Variants in MTOR observed in about 807,000 individuals in gnomAD.
MTOR encodes the protein mechanistic target of rapamycin kinase, also known as serine/threonine-protein kinase mTOR.
In MTOR, 70 loss-of-function variants were observed where a neutral mutation model predicts 319.8. The ratio of observed to expected loss-of-function variants is 0.22; its 90% confidence interval spans 0.18 to 0.27. The LOEUF (loss-of-function observed/expected upper bound fraction) is 0.27. Ranked by LOEUF, MTOR falls within the 10% of genes least tolerant of loss-of-function variation. The probability of loss-of-function intolerance (pLI) is 1.00; values close to 1 mark genes in which losing one functional copy is unlikely to be tolerated. For missense variants in MTOR, 1,890 were observed against 3,274.4 expected, an observed-to-expected ratio of 0.58 and a Z score of 10.32; for synonymous variants, 1,183 against 1,211.4, an observed-to-expected ratio of 0.98 and a Z score of 0.49.
Position 11,127,520 on chromosome 1 carries a change from T to C in MTOR, c.6216+104A>G. On this transcript the variant is annotated intron_variant, in intron 44 of 57. Transcript: ENST00000361445. The surrounding 1 kb of genome is among the most constrained non-coding windows in gnomAD (Gnocchi z 5.5). Reference sequence around the variant, plus strand: ...AGGAAAAGAAATCTGACAAAGGCCTTGGGTCACGTCCTTTCATTCTATAAA... The same window carrying C: ...AGGAAAAGAAATCTGACAAAGGCCTCGGGTCACGTCCTTTCATTCTATAAA... 7.3e-7 allele frequency: 1 copy of C among 1,363,632 alleles called. No individual in the cohort carries two copies. The highest frequency in any genetic ancestry group is 2.4e-5 in the East Asian group (1 of 42,230). The allele number at this position is 1,363,632 out of a possible 1,614,324, so 84.5% of individuals were successfully genotyped here.
rs1463554314 is a variant in MTOR at position 11,106,845 on chromosome 1, G to A, written c.*640C>T. On this transcript the variant is annotated 3_prime_UTR_variant, in exon 58 of 58. Transcript: ENST00000361445. The stretch of plus-strand genomic sequence containing the variant: ...CATCTGCTCAGCCGAGGCTGCCAGC[G>A]ATCTGAATAAACCTCCCTACTAGCG... 9.9e-6 allele frequency: 13 copies of A among 1,313,764 alleles called. No homozygotes were observed. In the East Asian group the frequency reaches 1.0e-4, roughly 10 times the overall value. The allele number at this position is 1,313,764 out of a possible 1,614,324, so 81.4% of individuals were successfully genotyped here.
chr1:11,115,494 G>T lies in MTOR; in HGVS notation c.7017-26C>A. 6.2e-7 allele frequency: 1 copy of T among 1,606,556 alleles called. No individual in the cohort carries two copies. The highest frequency in any genetic ancestry group is 8.5e-7 in the Non-Finnish European group (1 of 1,173,170). ...CTTTGAGAAACAGAAGACAGATCAG[G>T]GAGGGATCAACAGAGATAACGGATG... On this transcript the variant is annotated intron_variant, in intron 50 of 57. Coordinates refer to ENST00000361445, the MANE Select transcript of MTOR (RefSeq NM_004958.4). The surrounding 1 kb of genome is among the most constrained non-coding windows in gnomAD (Gnocchi z 4.5).
In MTOR at chr1:11,212,214, T is replaced by C; in HGVS notation, c.3561+98A>G. Reference sequence around the variant, plus strand: ...AAGCAAGTAATTCCACGTTCTCTGATGGTGGCTGGCATCAGACAAAGTCTG... The same window carrying C: ...AAGCAAGTAATTCCACGTTCTCTGACGGTGGCTGGCATCAGACAAAGTCTG... On this transcript the variant is annotated intron_variant, in intron 23 of 57. Transcript: ENST00000361445. The surrounding 1 kb of genome is among the most constrained non-coding windows in gnomAD (Gnocchi z 4.1). 1 of 1,423,222 alleles carries C rather than the reference T, an allele frequency of 7.0e-7. No homozygotes were observed. Among genetic ancestry groups the C allele is most frequent in the Non-Finnish European group, 9.5e-7 (1 of 1,049,556 alleles). The allele number at this position is 1,423,222 out of a possible 1,614,324, so 88.2% of individuals were successfully genotyped here. A position where few individuals can be genotyped will look rare whatever the true frequency, so the allele number is the denominator to read the frequency against.
chr1:11,246,141 T>C (rs528504568), intron 8 of MTOR, among the ~76,000 whole-genome samples: 1 of 152,316 alleles, frequency 6.6e-6, no homozygotes, highest in Admixed American at 6.5e-5. Flanking sequence ...CACTGGCATA[T>C]TTTAGCATAT....
At chr1:11,191,915 T>G (rs922986310) in intron 28 of MTOR, among the ~76,000 whole-genome samples, 1 of 152,166 alleles carries the variant, frequency 6.6e-6, no homozygotes, top group Non-Finnish European at 1.5e-5. Flanking sequence ...GAAGTCTGAA[T>G]CTATCTGACA....
Position 11,157,328 on chromosome 1 carries a change from C to T in MTOR, c.4330-37G>A, listed in dbSNP as rs757462904. The T allele has an allele frequency of 1.2e-5, 20 of 1,601,280 alleles. No homozygotes were observed. In the East Asian group the frequency reaches 3.1e-4, roughly 25 times the overall value. On this transcript the variant is annotated intron_variant, in intron 29 of 57. Transcript: ENST00000361445. ...GAAAGAAAGACTGCTGTGAGGTACA[C>T]AGAAGAAGGGATCACATTGTTTAAT...
rs201765630 is a variant in MTOR at position 11,139,521 on chromosome 1, G to T, written c.4998+12C>A. The T allele has an allele frequency of 8.8e-4, 1,423 of 1,614,148 alleles. 3 individuals carry two copies. Among genetic ancestry groups the T allele is most frequent in the South Asian group, 3.3e-3 (300 of 91,080 alleles). On this transcript the variant is annotated intron_variant, in intron 35 of 57. Transcript: ENST00000361445. ...CCCTACCTGCCCATGTGGGTGGGTG[G>T]TTGTCACTCACCAGCCTGCCACTCT...
chr1:11,219,767 T>C (rs1299473989), intron 19 of MTOR, among the ~76,000 whole-genome samples: 1 of 152,040 alleles, frequency 6.6e-6, no homozygotes, highest in Non-Finnish European at 1.5e-5. Flanking sequence ...CTCATGCCTA[T>C]AATTCCAGCA....
intron 47 of MTOR, among the ~76,000 whole-genome samples, chr1:11,123,974 C>T (rs567986239): frequency 1.5e-4 from 23 of 152,140 alleles, no homozygotes; most frequent in African/African-American, 5.3e-4. Context: ...TTTTAGTAGA[C>T]ACAGGGTTTC....
chr1:11,209,413 G>A lies in MTOR; in HGVS notation c.3700C>T (p.His1234Tyr). The change falls in exon 25 of 58, where the codon CAT becomes TAT. Residue 1234 changes from histidine to tyrosine, a missense_variant. His to Tyr is a moderately conservative substitution (Grantham distance 83). This residue lies in a region of MTOR where 115 missense variants were observed against 105.7 expected (regional missense o/e 1.09). Coordinates refer to ENST00000361445, the MANE Select transcript of MTOR (RefSeq NM_004958.4). ...CCTTGGCCACTCCTAAGCATCCGAT[G>A]CTGGTAAATCAAAGGATCCTCCTCT... is the stretch of plus-strand genomic sequence containing the variant. ...DEEEDPLIYQHRMLRSGQGDA... is the reference protein window; with the variant it reads ...DEEEDPLIYQYRMLRSGQGDA... 6.2e-7 allele frequency: 1 copy of A among 1,614,144 alleles called. No homozygotes were observed. Among genetic ancestry groups the A allele is most frequent in the East Asian group, 2.2e-5 (1 of 44,872 alleles).
chr1:11,228,070 C>T lies in MTOR; in HGVS notation c.3030+598G>A, dbSNP rs561271596. ...ACTAAAAATGTTACGACTTAAATCTCGTCATGAAGGAGCAACCAGAAATCC... is the reference window on the plus strand; with the variant it reads ...ACTAAAAATGTTACGACTTAAATCTTGTCATGAAGGAGCAACCAGAAATCC... On this transcript the variant is annotated intron_variant, in intron 19 of 57. Coordinates refer to ENST00000361445, the MANE Select transcript of MTOR (RefSeq NM_004958.4). Among the ~76,000 whole-genome samples, 86 of 152,178 alleles carry T rather than the reference C, an allele frequency of 5.7e-4. 1 individual carries two copies. The highest frequency in any genetic ancestry group is 2.0e-3 in the African/African-American group (83 of 41,508).
At chr1:11,193,493 G>A in intron 28 of MTOR, 2 of 1,247,776 alleles carry the variant, frequency 1.6e-6, no homozygotes, top group East Asian at 2.4e-5. Context: ...TGGCTCTGCA[G>A]GGACAGGAAC....
intron 25 of MTOR, among the ~76,000 whole-genome samples, chr1:11,205,608 C>T (rs553602002): frequency 3.3e-5 from 5 of 152,274 alleles, no homozygotes; most frequent in Admixed American, 2.0e-4. Context: ...AGCTGTAACA[C>T]CCTGGGCAAA....
At chr1:11,159,478 A>T (rs1237766623) in intron 29 of MTOR, among the ~76,000 whole-genome samples, 3 of 151,986 alleles carry the variant, frequency 2.0e-5, no homozygotes, top group African/African-American at 7.3e-5. Flanking sequence ...CCTGTCTCTA[A>T]TAAAAACACA....
chr1:11,108,356 C>A, intron 56 of MTOR, 70 bp from the exon 57 acceptor site: 1 of 1,170,610 alleles, frequency 8.5e-7, no homozygotes. Context: ...TCCCTGTGGG[C>A]TTAACTGTCT....
chr1:11,134,480 A>G lies in MTOR; in HGVS notation c.5131-14T>C, dbSNP rs1232034808. On this transcript the variant is annotated splice_polypyrimidine_tract_variant and intron_variant, in intron 36 of 57. Transcript: ENST00000361445. ...GAAGGCATCGATCTGTAACAGGACA[A>G]AGGCACAGAGAGCCACTTGGCTTGT... 1.1e-5 allele frequency: 17 copies of G among 1,613,056 alleles called. No individual in the cohort carries two copies. Among genetic ancestry groups the G allele is most frequent in the Admixed American group, 1.7e-5 (1 of 60,000 alleles).
At chr1:11,240,158 A>G (rs748290178) in intron 11 of MTOR, 145 bp downstream of exon 11, 2 of 1,095,120 alleles carry the variant, frequency 1.8e-6, no homozygotes, top group Non-Finnish European at 2.5e-6. Context: ...ACGTGGAAAG[A>G]GTCTAGGAAG....
rs965018832 is a variant in MTOR, at chr1:11,238,153, T to A, written c.2003-105A>T. On this transcript the variant is annotated intron_variant, in intron 12 of 57. Transcript: ENST00000361445. ...ATCAGCGTAGTGGGAAGATTCCAGA[T>A]GCTTTTTCTCATCTAACCTCTGTCA... 5 of 1,148,004 alleles carry A rather than the reference T, an allele frequency of 4.4e-6. No homozygotes were observed. The South Asian group carries it at 7.1e-5, about 16-fold the overall frequency. The allele number at this position is 1,148,004 out of a possible 1,614,324, so 71.1% of individuals were successfully genotyped here.
intron 15 of MTOR, 55 bp from the exon 16 acceptor site, chr1:11,232,583 G>T (rs1182095874): frequency 1.3e-6 from 2 of 1,493,768 alleles, no homozygotes; most frequent in African/African-American, 2.8e-5. Context: ...GCATTAGAAA[G>T]TATTTTGGAG....
Sources: gnomAD v4.1 joint callset for allele counts (sites outside exome capture counted in the v4.1 genomes callset) on GRCh38, gnomAD v4.1.1 for gene constraint, gnomAD v4.1.1 regional missense constraint, Gnocchi (gnomAD v3.1) non-coding constraint, MANE v1.5 for transcripts, NCBI Gene and HGNC (gene_info 2026-07-23, HGNC 2026-07-21) for gene names.